MYRIP: variants seen among roughly 807,000 people sequenced by gnomAD.
MYRIP encodes myosin VIIA and Rab interacting protein.
In MYRIP, 49 loss-of-function variants were observed where a neutral mutation model predicts 98.0. That is an observed-to-expected ratio of 0.50 (90% CI 0.40 to 0.63). The LOEUF (loss-of-function observed/expected upper bound fraction) is 0.63. MYRIP is among the 30% of genes least tolerant of loss of function. The pLI is 0.00. For synonymous variants in MYRIP, 404 were observed against 409.5 expected (o/e 0.99, Z 0.16); for missense variants, 1,004 against 1,058.2 (o/e 0.95, Z 0.71).
chr3:40,194,074 A>G (rs567614924), intron 10 of MYRIP, among the ~76,000 whole-genome samples: 1 of 152,206 alleles, frequency 6.6e-6, no homozygotes, highest in South Asian at 2.1e-4. Context: ...ATAATAATTT[A>G]TCAATTATTT....
chr3:39,971,869 C>T (rs973964998), intron 2 of MYRIP, among the ~76,000 whole-genome samples: 7 of 152,038 alleles, frequency 4.6e-5, no homozygotes, highest in Non-Finnish European at 1.0e-4. Context: ...TCATATTATA[C>T]CTATGAATGA....
At chr3:39,973,159 C>T (rs867282414) in intron 2 of MYRIP, among the ~76,000 whole-genome samples, 24 of 152,136 alleles carry the variant, frequency 1.6e-4, no homozygotes, top group Admixed American at 7.2e-4. Flanking sequence ...GGAAACCTAT[C>T]TCATGTGCAG....
At chr3:40,186,901 T>A (rs1306981875) in intron 9 of MYRIP, among the ~76,000 whole-genome samples, 1 of 152,078 alleles carries the variant, frequency 6.6e-6, no homozygotes, top group Non-Finnish European at 1.5e-5. Context: ...AAAATAGAAA[T>A]ACTTTTCTCA....
chr3:39,935,075 CT>C lies in MYRIP; in HGVS notation c.110+34150del, dbSNP rs1311052778. Among the ~76,000 whole-genome samples, 5 of 152,332 alleles carry C rather than the reference CT, an allele frequency of 3.3e-5. No individual in the cohort carries two copies. In the South Asian group the frequency reaches 8.3e-4, roughly 25 times the overall value. ...TAAGAGTCCTGGGGCTGATCTGCCC[CT>C]GGCATTCAGCTTTCTCGCTGGAAAC... On this transcript the variant is annotated intron_variant, in intron 2 of 16. Transcript: ENST00000302541.
intron 3 of MYRIP, among the ~76,000 whole-genome samples, chr3:40,143,723 CA>C (rs1036170698): frequency 2.0e-5 from 3 of 152,150 alleles, no homozygotes; most frequent in Non-Finnish European, 4.4e-5. Flanking sequence ...GATATATATA[CA>C]TTATGGAATA....
intron 1 of MYRIP, among the ~76,000 whole-genome samples, chr3:39,825,566 T>C (rs1490322388): frequency 7.2e-5 from 11 of 152,150 alleles, no homozygotes; most frequent in Admixed American, 7.2e-4. Flanking sequence ...TGTATTATCT[T>C]TTTGACATGT....
At chr3:39,821,689 T>A (rs1188728874) in intron 1 of MYRIP, among the ~76,000 whole-genome samples, 1 of 152,128 alleles carries the variant, frequency 6.6e-6, no homozygotes, top group Non-Finnish European at 1.5e-5. Flanking sequence ...AATTTTTAAA[T>A]TTTTCATTAT....
intron 2 of MYRIP, among the ~76,000 whole-genome samples, chr3:40,037,153 A>T (rs1055863880): frequency 6.6e-6 from 1 of 151,912 alleles, no homozygotes. Flanking sequence ...CTCTCAGTGA[A>T]TCTGCATTTT....
chr3:40,251,969 G>C lies in MYRIP; in HGVS notation c.2517G>C (p.Lys839Asn). The C allele has an allele frequency of 1.2e-6, 2 of 1,612,166 alleles. No homozygotes were observed. The highest frequency in any genetic ancestry group is 1.7e-4 in the Middle Eastern group (1 of 6,060). The part of the protein sequence containing the change: ...ILQGSSTNRT[K>N]ERKGTTKDLM... ...AAGGCTCCTCAACAAACAGGACTAA[G>C]GAAAGGAAAGGCACCACCAAGGATT... is the stretch of plus-strand genomic sequence containing the variant. The change falls in exon 16 of 17, where the codon AAG (lysine) becomes AAC (asparagine). Residue 839 changes from lysine to asparagine, a missense_variant. Lys to Asn is a moderately conservative substitution (Grantham distance 94). This residue lies in a region of MYRIP where 108 missense variants were observed against 111.1 expected (regional missense o/e 0.97). Transcript: ENST00000302541.
intron 2 of MYRIP, among the ~76,000 whole-genome samples, chr3:39,917,927 C>CTTT (rs36057099): frequency 4.1e-5 from 6 of 146,060 alleles, no homozygotes; most frequent in African/African-American, 1.5e-4. Context: ...GACTTCCATT[C>CTTT]TTTTTTTTTT....
chr3:39,873,394 T>C (rs1942869646), intron 1 of MYRIP, among the ~76,000 whole-genome samples: 2 of 152,210 alleles, frequency 1.3e-5, no homozygotes, highest in Non-Finnish European at 2.9e-5. Context: ...TTTGGTGTTT[T>C]AGACATGAAG....
At position 40,151,092 on chromosome 3, in the gene MYRIP, A is replaced by G. The variant is rs755495346; in HGVS notation, c.377A>G (p.Lys126Arg). ...QSLEWFYNNVKSRFKRFGSAK... is the reference protein window; with the variant it reads ...QSLEWFYNNVRSRFKRFGSAK... ...CTGGAATGGTTCTACAATAATGTGA[A>G]GAGCCGCTTCAAGCGCTTTGGCAGT... The change falls in exon 4 of 17, where the codon AAG becomes AGG. Residue 126 changes from lysine to arginine, a missense_variant. Physicochemically the swap from Lys to Arg is conservative, Grantham distance 26. Coordinates refer to ENST00000302541, the MANE Select transcript of MYRIP (RefSeq NM_015460.4). 9 of 1,610,154 alleles carry G rather than the reference A, an allele frequency of 5.6e-6. No homozygotes were observed. The highest frequency in any genetic ancestry group is 6.8e-6 in the Non-Finnish European group (8 of 1,178,002).
At chr3:39,924,963 A>C (rs1313618308) in intron 2 of MYRIP, among the ~76,000 whole-genome samples, 1 of 151,978 alleles carries the variant, frequency 6.6e-6, no homozygotes, top group African/African-American at 2.4e-5. Flanking sequence ...CTAAAGTAGT[A>C]CATAGAAGAA....
At chr3:39,956,127 A>C (rs1027073335) in intron 2 of MYRIP, among the ~76,000 whole-genome samples, 1 of 152,188 alleles carries the variant, frequency 6.6e-6, no homozygotes, top group Non-Finnish European at 1.5e-5. Flanking sequence ...AACGAGACAG[A>C]AACTTAACAA....
At chr3:39,925,323 C>A (rs1454509836) in intron 2 of MYRIP, among the ~76,000 whole-genome samples, 1 of 151,850 alleles carries the variant, frequency 6.6e-6, no homozygotes, top group Admixed American at 6.6e-5. Flanking sequence ...ATGAATATTT[C>A]TTTTTTCATT....
intron 2 of MYRIP, among the ~76,000 whole-genome samples, chr3:39,910,617 T>C (rs1319289810): frequency 6.6e-6 from 1 of 152,228 alleles, no homozygotes; most frequent in African/African-American, 2.4e-5. Flanking sequence ...GTATAAAAAA[T>C]GTAAAATAGC....
At chr3:39,994,844 C>T (rs138718778) in intron 2 of MYRIP, among the ~76,000 whole-genome samples, 56 of 152,290 alleles carry the variant, frequency 3.7e-4, no homozygotes, top group African/African-American at 1.3e-3. Flanking sequence ...ACAAAACTTC[C>T]AGAGGAACAA....
At chr3:39,986,141 A>G (rs542804577) in intron 2 of MYRIP, among the ~76,000 whole-genome samples, 1 of 152,126 alleles carries the variant, frequency 6.6e-6, no homozygotes, top group African/African-American at 2.4e-5. Context: ...GCACAAATTG[A>G]TATTACTATT....
At chr3:39,989,742 C>T (rs1484712439) in intron 2 of MYRIP, among the ~76,000 whole-genome samples, 2 of 152,230 alleles carry the variant, frequency 1.3e-5, no homozygotes, top group Non-Finnish European at 2.9e-5. Flanking sequence ...TGTAGGGAGG[C>T]CCTGCCTTGA....
Sources: gnomAD v4.1 joint callset for allele counts (sites outside exome capture counted in the v4.1 genomes callset) on GRCh38, gnomAD v4.1.1 for gene constraint, gnomAD v4.1.1 regional missense constraint, MANE v1.5 for transcripts, NCBI Gene and HGNC (gene_info 2026-07-23, HGNC 2026-07-21) for gene names.